The following SIPA1L1 variants were observed in gnomAD, a reference collection of about 807,000 sequenced individuals.
SIPA1L1 encodes signal induced proliferation associated 1 like 1, also known as signal-induced proliferation-associated 1-like protein 1.
A neutral mutation model predicts 162.7 loss-of-function variants in SIPA1L1; 26 were observed. The observed-to-expected ratio is 0.16, with a 90% CI of 0.12 to 0.22. The LOEUF is 0.22. Ranked by LOEUF, SIPA1L1 falls within the 10% of genes least tolerant of loss-of-function variation. The pLI is 1.00. For synonymous variants in SIPA1L1, 829 were observed against 837.4 expected (o/e 0.99, Z 0.17); for missense variants, 1,874 against 2,241.0 (o/e 0.84, Z 3.31).
At chr14:71,437,711 A>G (rs529780764) in intron 2 of SIPA1L1, among the ~76,000 whole-genome samples, 1 of 152,192 alleles carries the variant, frequency 6.6e-6, no homozygotes, top group African/African-American at 2.4e-5. Context: ...GTTACTCATC[A>G]TACTACCTCT....
At chr14:71,342,000 G>A (rs1047667747) in intron 2 of SIPA1L1, among the ~76,000 whole-genome samples, 3 of 151,892 alleles carry the variant, frequency 2.0e-5, no homozygotes, top group Non-Finnish European at 2.9e-5. Flanking sequence ...AGAATGACTT[G>A]CTCTTCTCTT....
intron 19 of SIPA1L1, among the ~76,000 whole-genome samples, chr14:71,728,406 A>G (rs1369648599): frequency 2.6e-5 from 4 of 152,248 alleles, no homozygotes; most frequent in Admixed American, 6.5e-5. Context: ...ACAAGTACAT[A>G]CGTACCTTGG....
At chr14:71,707,836 C>T (rs2082563399) in intron 16 of SIPA1L1, among the ~76,000 whole-genome samples, 1 of 151,856 alleles carries the variant, frequency 6.6e-6, no homozygotes, top group Non-Finnish European at 1.5e-5. Context: ...CGTAGAATTG[C>T]AGCTGTTTTC....
chr14:71,575,372 C>G (rs1321454594), intron 4 of SIPA1L1, among the ~76,000 whole-genome samples: 1 of 152,068 alleles, frequency 6.6e-6, no homozygotes, highest in Non-Finnish European at 1.5e-5. Context: ...TATCATTGGG[C>G]TTGGGATTGG....
chr14:71,536,348 C>T (rs2053904686), intron 4 of SIPA1L1, among the ~76,000 whole-genome samples: 1 of 152,194 alleles, frequency 6.6e-6, no homozygotes, highest in Non-Finnish European at 1.5e-5. Flanking sequence ...TTAACAGAAG[C>T]TTTCTCTATG....
intron 13 of SIPA1L1, among the ~76,000 whole-genome samples, chr14:71,692,720 C>G (rs2081336012): frequency 6.6e-6 from 1 of 152,192 alleles, no homozygotes; most frequent in South Asian, 2.1e-4. Context: ...AGTACTGTGT[C>G]CAGCTCCAGC....
chr14:71,556,665 C>G (rs114031582), intron 4 of SIPA1L1, among the ~76,000 whole-genome samples: 2 of 150,446 alleles, frequency 1.3e-5, no homozygotes, highest in Non-Finnish European at 3.0e-5. Context: ...GGAAGGAGCA[C>G]GGAGCTTCCG....
At position 71,739,338 on chromosome 14, in the gene SIPA1L1, G is replaced by A. The variant is rs2085606303; in HGVS notation, c.*177G>A. 1 of 435,444 alleles carries A rather than the reference G, an allele frequency of 2.3e-6. No individual in the cohort carries two copies. Among genetic ancestry groups the A allele is most frequent in the Non-Finnish European group, 3.9e-6 (1 of 259,662 alleles). The allele number at this position is 435,444 out of a possible 1,614,324, so 27.0% of individuals were successfully genotyped here. A position where few individuals can be genotyped will look rare whatever the true frequency, so the allele number is the denominator to read the frequency against. On this transcript the variant is annotated 3_prime_UTR_variant, in exon 24 of 24. Coordinates refer to ENST00000381232, the MANE Select transcript of SIPA1L1 (RefSeq NM_001386936.1). ...GATCAACAATCATCACCTGCCTTTT[G>A]TAGAAAAGAAAAACAAAAAAAGTAA...
intron 13 of SIPA1L1, among the ~76,000 whole-genome samples, chr14:71,696,550 A>G (rs2081644004): frequency 6.6e-6 from 1 of 152,216 alleles, no homozygotes; most frequent in Non-Finnish European, 1.5e-5. Flanking sequence ...TGTTCAAGTG[A>G]TCTAGCCCCA....
chr14:71,512,603 A>AG (rs2144438305), intron 2 of SIPA1L1, 140 bp from the exon 3 acceptor site: 1 of 126,956 alleles, frequency 7.9e-6, no homozygotes, highest in South Asian at 2.5e-4. Context: ...AAAAAAAAAA[A>AG]GGTTCTTTGC....
At chr14:71,398,829 T>A (rs562152676) in intron 2 of SIPA1L1, among the ~76,000 whole-genome samples, 1 of 152,352 alleles carries the variant, frequency 6.6e-6, no homozygotes, top group Non-Finnish European at 1.5e-5. Context: ...CATATCTTTC[T>A]CTGTGAATTA....
chr14:71,413,164 T>C (rs1396828617), intron 2 of SIPA1L1, among the ~76,000 whole-genome samples: 1 of 152,162 alleles, frequency 6.6e-6, no homozygotes, highest in Non-Finnish European at 1.5e-5. Flanking sequence ...CCCACTTCAC[T>C]TGTGATGACC....
At chr14:71,571,006 G>A (rs1447294751) in intron 4 of SIPA1L1, among the ~76,000 whole-genome samples, 1 of 152,152 alleles carries the variant, frequency 6.6e-6, no homozygotes, top group Non-Finnish European at 1.5e-5. Context: ...TGTTGGCCAG[G>A]CTGGTCTCGA....
At chr14:71,732,051 T>TA (rs542510051) in intron 20 of SIPA1L1, among the ~76,000 whole-genome samples, 6 of 152,236 alleles carry the variant, frequency 3.9e-5, no homozygotes, top group Non-Finnish European at 5.9e-5. Flanking sequence ...CCCTCCTACT[T>TA]ACCCTTGGTA....
At chr14:71,324,075 G>A (rs2033494054) in intron 2 of SIPA1L1, among the ~76,000 whole-genome samples, 1 of 152,184 alleles carries the variant, frequency 6.6e-6, no homozygotes, top group African/African-American at 2.4e-5. Flanking sequence ...GAACTTTACT[G>A]TTGTTTCCTG....
At chr14:71,644,821 T>C (rs2148980355) in intron 7 of SIPA1L1, among the ~76,000 whole-genome samples, 1 of 152,268 alleles carries the variant, frequency 6.6e-6, no homozygotes, top group East Asian at 1.9e-4. Flanking sequence ...CCTTTATATT[T>C]TCAAGACAAT....
At chr14:71,667,228 A>G (rs1310091094) in intron 10 of SIPA1L1, among the ~76,000 whole-genome samples, 2 of 152,120 alleles carry the variant, frequency 1.3e-5, no homozygotes, top group Non-Finnish European at 2.9e-5. Context: ...CGCTCTGCAC[A>G]TGCTGCTCCT....
chr14:71,499,792 A>T (rs2143444970), intron 2 of SIPA1L1, among the ~76,000 whole-genome samples: 1 of 152,234 alleles, frequency 6.6e-6, no homozygotes, highest in South Asian at 2.1e-4. Flanking sequence ...TTTCTTCATG[A>T]TATTAAAGCA....
At chr14:71,520,340 C>G (rs1484779589) in intron 3 of SIPA1L1, among the ~76,000 whole-genome samples, 1 of 152,110 alleles carries the variant, frequency 6.6e-6, no homozygotes. Context: ...TGATAGGATG[C>G]CATGAGAACA....
Sources: allele counts gnomAD v4.1 joint callset (sites outside exome capture counted in the v4.1 genomes callset), GRCh38; gene constraint gnomAD v4.1.1; transcripts MANE v1.5; gene names NCBI Gene and HGNC (gene_info 2026-07-23, HGNC 2026-07-21).